The following RBM6 variants were observed in gnomAD, a reference collection of about 807,000 sequenced individuals.
The protein encoded by RBM6 is RNA-binding protein 6.
RBM6 carries 23 observed loss-of-function variants against 140.4 expected under a neutral mutation model. The observed-to-expected ratio is 0.16, with a 90% CI of 0.12 to 0.23. The LOEUF is 0.23. Ranked by LOEUF, RBM6 falls within the 10% of genes least tolerant of loss-of-function variation. The probability of loss-of-function intolerance (pLI) is 1.00; values close to 1 mark genes in which losing one functional copy is unlikely to be tolerated. For missense variants in RBM6, 1,139 were observed against 1,386.7 expected (o/e 0.82, Z 2.84); for synonymous variants, 439 against 475.6 (o/e 0.92, Z 1.00).
chr3:50,010,641 A>C (rs546615314), intron 6 of RBM6, among the ~76,000 whole-genome samples: 1 of 152,066 alleles, frequency 6.6e-6, no homozygotes, highest in Non-Finnish European at 1.5e-5. Context: ...GGTGGCTCAC[A>C]CCTGTAATCC....
At chr3:49,959,912 T>C (rs2084208243) in intron 1 of RBM6, among the ~76,000 whole-genome samples, 1 of 152,266 alleles carries the variant, frequency 6.6e-6, no homozygotes, top group Admixed American at 6.6e-5. Flanking sequence ...GGCATTCATA[T>C]GGCTTTCTAA....
rs1200532767 is a variant in RBM6, at chr3:49,949,225, G to C, written c.-67+9000G>C. Among the ~76,000 whole-genome samples, 3 of 151,622 alleles carry C rather than the reference G, an allele frequency of 2.0e-5. No individual in the cohort carries two copies. The East Asian group carries it at 5.9e-4, about 30-fold the overall frequency. Reference sequence around the variant, plus strand: ...CTTCTTCATTTGTTAATGCTTTGCTGAATCATAAAAAATTATGAAATAAAA... The same window carrying C: ...CTTCTTCATTTGTTAATGCTTTGCTCAATCATAAAAAATTATGAAATAAAA... On this transcript the variant is annotated intron_variant, in intron 1 of 20. Coordinates refer to ENST00000266022, the MANE Select transcript of RBM6 (RefSeq NM_005777.3).
chr3:50,036,586 T>A lies in RBM6; in HGVS notation c.1558-11659T>A, dbSNP rs373129190. Among the ~76,000 whole-genome samples the A allele has an allele frequency of 5.3e-5, 8 of 152,314 alleles. No homozygotes were observed. The East Asian group carries it at 1.2e-3, about 22-fold the overall frequency. ...TAGCAGCCATGATATTATAGCTCAG[T>A]AAATGCTGCTTTCCAAATATTGGCT... On this transcript the variant is annotated intron_variant, in intron 6 of 20. Coordinates refer to ENST00000266022, the MANE Select transcript of RBM6 (RefSeq NM_005777.3).
intron 4 of RBM6, among the ~76,000 whole-genome samples, chr3:49,972,558 T>C (rs144179309): frequency 6.6e-6 from 1 of 152,348 alleles, no homozygotes; most frequent in African/African-American, 2.4e-5. Flanking sequence ...ATTGGCTGAC[T>C]AAATTAAGTC....
chr3:50,063,154 A>G (rs182042939), intron 15 of RBM6, among the ~76,000 whole-genome samples: 2 of 151,916 alleles, frequency 1.3e-5, no homozygotes, highest in East Asian at 1.9e-4. Context: ...CAGTCTCCCA[A>G]AGTGCTTCAG....
chr3:49,956,957 G>A (rs1257132552), intron 1 of RBM6, among the ~76,000 whole-genome samples: 2 of 152,128 alleles, frequency 1.3e-5, no homozygotes, highest in African/African-American at 4.8e-5. Flanking sequence ...AAGCCACCAG[G>A]CCTGGCCTGC....
chr3:50,005,228 G>C (rs888454122), intron 6 of RBM6, among the ~76,000 whole-genome samples: 2 of 152,184 alleles, frequency 1.3e-5, no homozygotes, highest in Admixed American at 1.3e-4. Context: ...CAGGTGTGAT[G>C]GCTCACACCT....
At chr3:49,984,623 ATCGCATCGCATCG>A (rs1298993639) in intron 5 of RBM6, among the ~76,000 whole-genome samples, 9 of 39,696 alleles carry the variant, frequency 2.3e-4, no homozygotes, top group African/African-American at 1.3e-3. Context: ...ATCGCATCGC[ATCGCATCGCATCG>A]CATCGCATCG....
chr3:49,984,644 TCGC>T (rs2085476990), intron 5 of RBM6, among the ~76,000 whole-genome samples: 1 of 118,304 alleles, frequency 8.5e-6, no homozygotes, highest in East Asian at 2.4e-4. Flanking sequence ...TCGCATCGCA[TCGC>T]ATCGCATCGC....
chr3:49,997,310 T>A (rs1293485948), intron 5 of RBM6, among the ~76,000 whole-genome samples: 1 of 152,160 alleles, frequency 6.6e-6, no homozygotes, highest in Non-Finnish European at 1.5e-5. Context: ...CATATAGTAT[T>A]GCAGGGTTGA....
At chr3:49,951,720 T>TTA (rs2083740702) in intron 1 of RBM6, among the ~76,000 whole-genome samples, 1 of 144,862 alleles carries the variant, frequency 6.9e-6, no homozygotes, top group Admixed American at 7.1e-5. Flanking sequence ...TATTATTATT[T>TTA]TTTTGTTGTT....
chr3:49,994,669 G>GGTGTGTGT (rs59949998), intron 5 of RBM6, among the ~76,000 whole-genome samples: 111 of 148,220 alleles, frequency 7.5e-4, no homozygotes, highest in Middle Eastern at 3.5e-3. Flanking sequence ...AAGGCTGTGG[G>GGTGTGTGT]GTGTGTGTGT....
At chr3:49,965,475 C>T (rs2084465850) in intron 2 of RBM6, among the ~76,000 whole-genome samples, 1 of 152,026 alleles carries the variant, frequency 6.6e-6, no homozygotes, top group Non-Finnish European at 1.5e-5. Context: ...CAAGACCATC[C>T]TGGCTAACAC....
chr3:49,981,967 A>G (rs1393805595), intron 5 of RBM6, among the ~76,000 whole-genome samples: 1 of 152,240 alleles, frequency 6.6e-6, no homozygotes, highest in Non-Finnish European at 1.5e-5. Context: ...CATAGAAAGT[A>G]ATTATAGTAA....
chr3:50,075,560 A>G (rs895194946), intron 20 of RBM6, among the ~76,000 whole-genome samples: 4 of 152,194 alleles, frequency 2.6e-5, no homozygotes, highest in African/African-American at 9.7e-5. Flanking sequence ...GGATTTCATC[A>G]TACTTTTACA....
At position 50,058,308 on chromosome 3, in the gene RBM6, T is replaced by C. The variant is rs1027873876; in HGVS notation, c.1970-94T>C. ...TACAGAACCAGCCTTGCTAGTAGCA[T>C]CTATAGTAAAAAATGACAGTCAGAT... On this transcript the variant is annotated intron_variant, in intron 9 of 20. Transcript: ENST00000266022. 11 of 1,355,152 alleles carry C rather than the reference T, an allele frequency of 8.1e-6. No homozygotes were observed. The African/African-American group carries it at 1.4e-4, about 18-fold the overall frequency. The allele number at this position is 1,355,152 out of a possible 1,614,324, so 83.9% of individuals were successfully genotyped here.
intron 5 of RBM6, among the ~76,000 whole-genome samples, chr3:49,985,885 C>T (rs1225940040): frequency 1.3e-5 from 2 of 152,004 alleles, no homozygotes; most frequent in African/African-American, 2.4e-5. Flanking sequence ...GGTTTACAGG[C>T]GTGAGCCACC....
intron 1 of RBM6, among the ~76,000 whole-genome samples, chr3:49,956,635 G>A (rs1265076284): frequency 7.2e-6 from 1 of 138,208 alleles, no homozygotes; most frequent in Non-Finnish European, 1.6e-5. Context: ...CCTGGCCCAC[G>A]CTTTATTTTT....
intron 6 of RBM6, among the ~76,000 whole-genome samples, chr3:50,001,780 A>G (rs771426090): frequency 1.3e-5 from 2 of 152,236 alleles, no homozygotes; most frequent in Non-Finnish European, 2.9e-5. Flanking sequence ...GAGAACACTC[A>G]TTAATTCATA....
Sources: allele counts gnomAD v4.1 joint callset (sites outside exome capture counted in the v4.1 genomes callset), GRCh38; gene constraint gnomAD v4.1.1; transcripts MANE v1.5; gene names NCBI Gene and HGNC (gene_info 2026-07-23, HGNC 2026-07-21).